Variants in CEP83 observed in about 807,000 individuals in gnomAD.
CEP83 encodes centrosomal protein 83.
A neutral mutation model predicts 101.9 loss-of-function variants in CEP83; 70 were observed. The observed-to-expected ratio is 0.69, with a 90% CI of 0.57 to 0.84. The LOEUF (loss-of-function observed/expected upper bound fraction) is 0.84, where lower values mean the gene tolerates loss of function less well. Among genes scored for constraint, CEP83 ranks in the 40% least tolerant of loss-of-function variants. The probability of loss-of-function intolerance (pLI) is 0.00; values close to 1 mark genes in which losing one functional copy is unlikely to be tolerated. For synonymous variants in CEP83, 264 were observed against 267.9 expected, an observed-to-expected ratio of 0.99 and a Z score of 0.14; for missense variants, 715 against 787.2, an observed-to-expected ratio of 0.91 and a Z score of 1.10.
chr12:94,422,062 G>C (rs941596314), intron 2 of CEP83, among the ~76,000 whole-genome samples: 1 of 152,212 alleles, frequency 6.6e-6, no homozygotes, highest in African/African-American at 2.4e-5. Context: ...TTAGGTTATA[G>C]CCTGTTTCTC....
At chr12:94,391,420 C>A (rs2137391136) in intron 6 of CEP83, among the ~76,000 whole-genome samples, 1 of 152,212 alleles carries the variant, frequency 6.6e-6, no homozygotes, top group Middle Eastern at 3.4e-3. Flanking sequence ...TACAGACAAG[C>A]AAATGCTCAG....
downstream of CEP83, chr12:94,305,607 G>A: frequency 4.3e-6 from 1 of 230,568 alleles, no homozygotes; most frequent in South Asian, 9.9e-5. Flanking sequence ...AATGATATAA[G>A]TGGTTTTGTT....
chr12:94,368,358 T>G (rs1220613228), intron 9 of CEP83, 157 bp from the exon 10 acceptor site: 15 of 590,120 alleles, frequency 2.5e-5, no homozygotes, highest in Non-Finnish European at 4.3e-5. Flanking sequence ...TAATAAACAC[T>G]CTTAAAATAA....
At chr12:94,303,886 A>G (rs761231417), downstream of CEP83, 36 of 1,608,566 alleles carry the variant, frequency 2.2e-5, no homozygotes, top group Non-Finnish European at 3.0e-5. Context: ...TTTTTAACTC[A>G]GGAATCTAAG....
intron 9 of CEP83, chr12:94,368,782 C>CT (rs1289679782): frequency 4.6e-5 from 7 of 152,210 alleles, no homozygotes; most frequent in African/African-American, 1.7e-4. Context: ...ATGCAGCATT[C>CT]TTTAAGTTCC....
intron 11 of CEP83, chr12:94,361,412 C>T (rs542360224): frequency 6.6e-6 from 1 of 152,248 alleles, no homozygotes; most frequent in South Asian, 2.1e-4. Flanking sequence ...GGAGGGGTGA[C>T]CTGACCCAGG....
chr12:94,331,055 G>C (rs2059176394), intron 14 of CEP83, among the ~76,000 whole-genome samples: 1 of 152,014 alleles, frequency 6.6e-6, no homozygotes, highest in African/African-American at 2.4e-5. Flanking sequence ...ACTTTGGGAG[G>C]CTGAGGTGGG....
At chr12:94,286,433 C>G in the CEP83 span, among the ~76,000 whole-genome samples, 1 of 152,058 alleles carries the variant, frequency 6.6e-6, no homozygotes, top group Non-Finnish European at 1.5e-5. Flanking sequence ...AGCAGCGCCT[C>G]CGCAGACTCA....
intron 11 of CEP83, among the ~76,000 whole-genome samples, chr12:94,350,030 A>G (rs2060130072): frequency 6.6e-6 from 1 of 152,228 alleles, no homozygotes; most frequent in Non-Finnish European, 1.5e-5. Flanking sequence ...TCCCATGTTC[A>G]TAAATTGAAA....
At chr12:94,379,671 C>A (rs2061730906) in intron 6 of CEP83, among the ~76,000 whole-genome samples, 1 of 152,010 alleles carries the variant, frequency 6.6e-6, no homozygotes, top group Non-Finnish European at 1.5e-5. Context: ...GCAGAGACAC[C>A]AGTGGTCTTG....
At chr12:94,406,362 AAC>A (rs2063533520) in intron 4 of CEP83, among the ~76,000 whole-genome samples, 1 of 151,714 alleles carries the variant, frequency 6.6e-6, no homozygotes, top group Non-Finnish European at 1.5e-5. Context: ...CAACAACAAC[AAC>A]AACAACAACA....
chr12:94,450,200 G>C (rs2067145308), intron 1 of CEP83, among the ~76,000 whole-genome samples: 2 of 152,272 alleles, frequency 1.3e-5, no homozygotes, highest in Non-Finnish European at 2.9e-5. Context: ...AGATTGGAAA[G>C]AAAAAGTATC....
intron 4 of CEP83, among the ~76,000 whole-genome samples, chr12:94,404,620 C>T (rs997715646): frequency 3.3e-5 from 5 of 151,992 alleles, no homozygotes; most frequent in African/African-American, 9.7e-5. Flanking sequence ...TAGGTTGCAG[C>T]CAAAGAGTGA....
downstream of CEP83, chr12:94,303,711 TTAC>T: frequency 5.1e-6 from 6 of 1,169,798 alleles, no homozygotes; most frequent in East Asian, 3.0e-5. Context: ...TTTTTTTTTT[TTAC>T]TCTTTTGGTG....
At chr12:94,422,444 A>AT (rs2064831617) in intron 2 of CEP83, among the ~76,000 whole-genome samples, 1 of 152,164 alleles carries the variant, frequency 6.6e-6, no homozygotes, top group African/African-American at 2.4e-5. Context: ...GGCAATAGAA[A>AT]TTTTTTAGCT....
chr12:94,312,653 A>G (rs1023101752), intron 15 of CEP83: 9 of 984,702 alleles, frequency 9.1e-6, no homozygotes, highest in South Asian at 4.7e-5. Flanking sequence ...AACTAACACC[A>G]CTCCTTGCTA....
intron 6 of CEP83, among the ~76,000 whole-genome samples, chr12:94,390,559 C>T (rs1035507645): frequency 1.2e-4 from 18 of 152,242 alleles, no homozygotes; most frequent in African/African-American, 4.1e-4. Context: ...AAAATCAAAG[C>T]GCCTCTTCTC....
the CEP83 span, chr12:94,298,770 G>A: frequency 4.2e-5 from 67 of 1,611,030 alleles, no homozygotes; most frequent in Non-Finnish European, 5.2e-5. Context: ...AGATCCTGAC[G>A]TCGTACATAT....
At chr12:94,445,218 G>A (rs1450322404) in intron 1 of CEP83, among the ~76,000 whole-genome samples, 1 of 152,020 alleles carries the variant, frequency 6.6e-6, no homozygotes, top group Non-Finnish European at 1.5e-5. Flanking sequence ...AGTCAATTCA[G>A]TGAAGAAAGG....
Sources: allele counts gnomAD v4.1 joint callset (sites outside exome capture counted in the v4.1 genomes callset), GRCh38; gene constraint gnomAD v4.1.1; transcripts MANE v1.5; gene names NCBI Gene and HGNC (gene_info 2026-07-23, HGNC 2026-07-21).